Variants in CSMD1 observed in about 807,000 individuals in gnomAD.
CSMD1 encodes CUB and Sushi multiple domains 1.
Under a neutral mutation model 417.5 loss-of-function variants are expected in CSMD1, and 213 were observed. The observed-to-expected ratio is 0.51, with a 90% CI of 0.46 to 0.57. The LOEUF is 0.57. Ranked by LOEUF, CSMD1 falls within the 20% of genes least tolerant of loss-of-function variation. The pLI is 0.00. For synonymous variants in CSMD1, 2,862 were observed against 1,736.8 expected (o/e 1.65, Z -16.11); for missense variants, 6,923 against 4,529.7 (o/e 1.53, Z -15.17).
At chr8:4,527,097 G>A (rs145622646) in intron 2 of CSMD1, among the ~76,000 whole-genome samples, 40 of 151,950 alleles carry the variant, frequency 2.6e-4, no homozygotes, top group African/African-American at 8.4e-4. Context: ...CAGAAGCTTC[G>A]GAGGATTCTA....
chr8:4,195,786 G>A (rs3887814), intron 3 of CSMD1, among the ~76,000 whole-genome samples: 1 of 152,144 alleles, frequency 6.6e-6, no homozygotes, highest in Non-Finnish European at 1.5e-5. Flanking sequence ...CACACAACCT[G>A]AATGAGCTTG....
At chr8:4,936,229 T>A (rs1384500204) in intron 1 of CSMD1, among the ~76,000 whole-genome samples, 2 of 152,238 alleles carry the variant, frequency 1.3e-5, no homozygotes, top group Non-Finnish European at 2.9e-5. Flanking sequence ...TTAGTTAAAA[T>A]GTGCCCACAG....
chr8:4,409,414 A>AT (rs1399471380), intron 3 of CSMD1, among the ~76,000 whole-genome samples: 2 of 152,142 alleles, frequency 1.3e-5, no homozygotes, highest in African/African-American at 4.8e-5. Context: ...TTCACCCCAT[A>AT]TTCTTGTCAT....
intron 3 of CSMD1, among the ~76,000 whole-genome samples, chr8:4,068,293 G>A (rs1232977716): frequency 6.6e-6 from 1 of 152,142 alleles, no homozygotes; most frequent in Non-Finnish European, 1.5e-5. Flanking sequence ...CTTTGTAGCT[G>A]GAGGACAGTG....
intron 23 of CSMD1, among the ~76,000 whole-genome samples, chr8:3,322,429 G>A (rs1806210135): frequency 6.6e-6 from 1 of 152,112 alleles, no homozygotes. Context: ...CACAGATAAA[G>A]AATTTCTTCT....
rs1388044747 is a variant in CSMD1, at chr8:4,058,123, G to A, written c.416-26024C>T. ...GCATTGAATCTATAAATTACCTTGGGCAGCATGGCCATTTTCACGATATTG... is the reference window on the plus strand; with the variant it reads ...GCATTGAATCTATAAATTACCTTGGACAGCATGGCCATTTTCACGATATTG... On this transcript the variant is annotated intron_variant, in intron 3 of 69. Coordinates refer to ENST00000635120, the MANE Select transcript of CSMD1 (RefSeq NM_033225.6). 2.0e-5 allele frequency among the ~76,000 whole-genome samples: 3 copies of A among 152,202 alleles called. No individual in the cohort carries two copies. The South Asian group carries it at 6.2e-4, about 32-fold the overall frequency.
chr8:3,463,324 T>C (rs566882789), intron 12 of CSMD1, among the ~76,000 whole-genome samples: 114 of 152,294 alleles, frequency 7.5e-4, no homozygotes, highest in African/African-American at 2.7e-3. Context: ...TAATTTGTCA[T>C]AGACTTAAGT....
chr8:3,536,772 G>A lies in CSMD1; in HGVS notation c.1344+38173C>T, dbSNP rs555856857. 8.9e-4 allele frequency among the ~76,000 whole-genome samples: 136 copies of A among 152,224 alleles called. 1 individual carries two copies. The highest frequency in any genetic ancestry group is 3.2e-3 in the African/African-American group (134 of 41,544). On this transcript the variant is annotated intron_variant, in intron 10 of 69. Transcript: ENST00000635120. The stretch of plus-strand genomic sequence containing the variant: ...CCCAAAAGTGTCCATTGTGTGGAAG[G>A]GACTAAGTCATCTCTTCAGCACCGG...
At chr8:3,102,356 T>C (rs1815816427) in intron 46 of CSMD1, among the ~76,000 whole-genome samples, 2 of 152,280 alleles carry the variant, frequency 1.3e-5, no homozygotes, top group South Asian at 4.1e-4. Context: ...CTCCGGTTGT[T>C]TTAAACAAAT....
At chr8:4,821,597 C>T (rs1160446645) in intron 1 of CSMD1, among the ~76,000 whole-genome samples, 1 of 152,102 alleles carries the variant, frequency 6.6e-6, no homozygotes, top group Non-Finnish European at 1.5e-5. Flanking sequence ...TACAGAGTCT[C>T]ATGCAGCCCT....
intron 6 of CSMD1, among the ~76,000 whole-genome samples, chr8:3,729,827 A>G (rs1168508386): frequency 6.6e-6 from 1 of 151,686 alleles, no homozygotes; most frequent in African/African-American, 2.4e-5. Context: ...ATATTTATAA[A>G]CAAGGCACCT....
chr8:4,684,566 T>G (rs984055490), intron 1 of CSMD1, among the ~76,000 whole-genome samples: 1 of 152,202 alleles, frequency 6.6e-6, no homozygotes, highest in African/African-American at 2.4e-5. Context: ...CTTTGCCACT[T>G]TCATACTGGG....
chr8:3,652,355 G>A (rs959443296), intron 7 of CSMD1, among the ~76,000 whole-genome samples: 1 of 151,988 alleles, frequency 6.6e-6, no homozygotes, highest in Admixed American at 6.6e-5. Context: ...ACCACCATCA[G>A]CATGCTTACC....
intron 12 of CSMD1, among the ~76,000 whole-genome samples, chr8:3,415,828 T>G (rs369513423): frequency 9.2e-5 from 14 of 152,326 alleles, no homozygotes; most frequent in African/African-American, 3.1e-4. Context: ...CAAAACTTCT[T>G]TATTGGTAAA....
chr8:4,627,726 T>G (rs1478278), intron 2 of CSMD1, among the ~76,000 whole-genome samples: 1 of 151,998 alleles, frequency 6.6e-6, no homozygotes, highest in African/African-American at 2.4e-5. Flanking sequence ...AAATAACAGT[T>G]GCTCCCCTCA....
At position 3,964,443 on chromosome 8, in the gene CSMD1, G is replaced by T. The variant is rs76125394; in HGVS notation, c.818+33460C>A. Among the ~76,000 whole-genome samples, 17 of 152,192 alleles carry T rather than the reference G, an allele frequency of 1.1e-4. No homozygotes were observed. In the East Asian group the frequency reaches 3.1e-3, roughly 28 times the overall value. ...TGACTGAGGCCTTAATCAGCCAGTG[G>T]AAGGAGACACAGGTGCTGGTATGCC... is the stretch of plus-strand genomic sequence containing the variant. On this transcript the variant is annotated intron_variant, in intron 5 of 69. Transcript: ENST00000635120.
intron 3 of CSMD1, among the ~76,000 whole-genome samples, chr8:4,049,379 C>G (rs758588637): frequency 1.3e-5 from 2 of 151,886 alleles, no homozygotes; most frequent in Non-Finnish European, 2.9e-5. Flanking sequence ...TCAAAAATCT[C>G]TGCAGACATT....
At chr8:3,443,102 A>G (rs967229221) in intron 12 of CSMD1, among the ~76,000 whole-genome samples, 2 of 152,136 alleles carry the variant, frequency 1.3e-5, no homozygotes, top group African/African-American at 2.4e-5. Context: ...ATTTGTACTT[A>G]TGATGCCTTT....
chr8:3,615,427 G>C (rs758538346), intron 8 of CSMD1, among the ~76,000 whole-genome samples: 44 of 152,076 alleles, frequency 2.9e-4, no homozygotes, highest in Non-Finnish European at 7.4e-5. Flanking sequence ...ACTTCAATAA[G>C]AAATTTCATC....
Sources: allele counts gnomAD v4.1 joint callset (sites outside exome capture counted in the v4.1 genomes callset), GRCh38; gene constraint gnomAD v4.1.1; transcripts MANE v1.5; gene names NCBI Gene and HGNC (gene_info 2026-07-23, HGNC 2026-07-21).